AGBL1: variants seen among roughly 807,000 people sequenced by gnomAD.
The protein encoded by AGBL1 is cytosolic carboxypeptidase 4.
A neutral mutation model predicts 118.9 loss-of-function variants in AGBL1; 130 were observed. The ratio of observed to expected loss-of-function variants is 1.09; its 90% CI spans 0.95 to 1.26. The LOEUF (loss-of-function observed/expected upper bound fraction) is 1.26, where lower values mean the gene tolerates loss of function less well. Ranked by LOEUF, AGBL1 falls within the 50% of genes most tolerant of loss-of-function variation. The probability of loss-of-function intolerance (pLI) is 0.00; values close to 1 mark genes in which losing one functional copy is unlikely to be tolerated. For synonymous variants in AGBL1, 555 were observed against 478.9 expected, an observed-to-expected ratio of 1.16 and a Z score of -2.08; for missense variants, 1,584 against 1,298.1, an observed-to-expected ratio of 1.22 and a Z score of -3.38.
At chr15:86,775,689 A>G (rs2141296687) in intron 22 of AGBL1, among the ~76,000 whole-genome samples, 1 of 152,236 alleles carries the variant, frequency 6.6e-6, no homozygotes, top group East Asian at 1.9e-4. Context: ...ATGCAGTGGT[A>G]AATACTTACA....
At chr15:86,134,624 T>TC (rs2076863197) in intron 1 of AGBL1, among the ~76,000 whole-genome samples, 1 of 137,578 alleles carries the variant, frequency 7.3e-6, no homozygotes, top group African/African-American at 2.9e-5. Context: ...TTTTTTTTTT[T>TC]TTTTTTTGAG....
intron 5 of AGBL1, among the ~76,000 whole-genome samples, chr15:86,179,416 A>G (rs2141784073): frequency 6.6e-6 from 1 of 152,352 alleles, no homozygotes; most frequent in Middle Eastern, 3.4e-3. Flanking sequence ...ACGTGTAGAA[A>G]TCATTATATA....
intron 22 of AGBL1, among the ~76,000 whole-genome samples, chr15:86,761,604 A>G (rs536995433): frequency 1.3e-5 from 2 of 152,176 alleles, no homozygotes; most frequent in Admixed American, 1.3e-4. Flanking sequence ...TGATATCTCA[A>G]CTGCAATGAA....
intron 22 of AGBL1, among the ~76,000 whole-genome samples, chr15:86,904,436 C>G (rs1260257951): frequency 6.6e-6 from 1 of 150,542 alleles, no homozygotes; most frequent in Non-Finnish European, 1.5e-5. Context: ...AGTGAAAGTC[C>G]TTGAATATGT....
At chr15:86,668,614 A>T (rs115381101) in intron 21 of AGBL1, among the ~76,000 whole-genome samples, 382 of 152,262 alleles carry the variant, frequency 2.5e-3, no homozygotes, top group African/African-American at 8.7e-3. Context: ...AGGATGTTCA[A>T]TGATGCTCTG....
intron 17 of AGBL1, among the ~76,000 whole-genome samples, chr15:86,352,195 T>C (rs894563338): frequency 6.6e-6 from 1 of 152,188 alleles, no homozygotes; most frequent in Non-Finnish European, 1.5e-5. Flanking sequence ...GTTCGGATTG[T>C]GGCATCTTGA....
Position 86,266,365 on chromosome 15 carries a change from C to T in AGBL1, c.1668-9C>T. 6.4e-7 allele frequency: 1 copy of T among 1,563,038 alleles called. No individual in the cohort carries two copies. Among genetic ancestry groups the T allele is most frequent in the Non-Finnish European group, 8.7e-7 (1 of 1,151,400 alleles). On this transcript the variant is annotated splice_polypyrimidine_tract_variant and intron_variant, in intron 11 of 22. Coordinates refer to ENST00000614907, the MANE Select transcript of AGBL1 (RefSeq NM_001386094.1). ...CGACCCTTAAAATGTTTTCAATTTT[C>T]TTTTTCAGGATCAGGATATTTGAGG...
chr15:86,831,696 G>A (rs2079106244), intron 22 of AGBL1, among the ~76,000 whole-genome samples: 1 of 152,172 alleles, frequency 6.6e-6, no homozygotes, highest in Admixed American at 6.5e-5. Context: ...TCATGGACTG[G>A]CATTGAGTGA....
chr15:86,616,475 G>A (rs1400023462), intron 21 of AGBL1, among the ~76,000 whole-genome samples: 1 of 152,140 alleles, frequency 6.6e-6, no homozygotes, highest in Non-Finnish European at 1.5e-5. Flanking sequence ...GATAAAATGG[G>A]AAAGGAGAAA....
At chr15:86,377,444 C>A (rs933197090) in intron 17 of AGBL1, among the ~76,000 whole-genome samples, 1 of 152,090 alleles carries the variant, frequency 6.6e-6, no homozygotes, top group Non-Finnish European at 1.5e-5. Flanking sequence ...ACTGGCCTTG[C>A]CTACTCTAGC....
At chr15:86,783,101 G>A (rs1207601610) in intron 22 of AGBL1, among the ~76,000 whole-genome samples, 2 of 152,210 alleles carry the variant, frequency 1.3e-5, no homozygotes, top group African/African-American at 2.4e-5. Context: ...CTTCCAAGTT[G>A]CTTATGCTTT....
intron 1 of AGBL1, among the ~76,000 whole-genome samples, chr15:86,116,924 G>C (rs1897797504): frequency 6.6e-6 from 1 of 151,184 alleles, no homozygotes; most frequent in Non-Finnish European, 1.5e-5. Context: ...TCTTCATCTG[G>C]CCTCAGAAAC....
chr15:86,916,525 A>G (rs1193710258), downstream of AGBL1, among the ~76,000 whole-genome samples: 1 of 152,140 alleles, frequency 6.6e-6, no homozygotes, highest in African/African-American at 2.4e-5. Flanking sequence ...CTATTGTGTA[A>G]TTTAGGAAAT....
intron 17 of AGBL1, among the ~76,000 whole-genome samples, chr15:86,353,059 T>C (rs1308837061): frequency 1.3e-5 from 2 of 152,330 alleles, no homozygotes; most frequent in East Asian, 3.9e-4. Flanking sequence ...TCTGTTGCAG[T>C]ATATATGAAA....
intron 18 of AGBL1, among the ~76,000 whole-genome samples, chr15:86,405,849 T>G (rs2081520282): frequency 6.6e-6 from 1 of 151,534 alleles, no homozygotes; most frequent in African/African-American, 2.4e-5. Flanking sequence ...AAAAAAAGAT[T>G]AAGAACTGTA....
chr15:86,350,004 C>A (rs1267230110), intron 17 of AGBL1, among the ~76,000 whole-genome samples: 1 of 152,160 alleles, frequency 6.6e-6, no homozygotes, highest in Admixed American at 6.5e-5. Flanking sequence ...CTAAGCAAAA[C>A]TTTTAATTTT....
At chr15:86,556,204 C>A in intron 21 of AGBL1, 1 of 1,605,944 alleles carries the variant, frequency 6.2e-7, no homozygotes, top group Non-Finnish European at 8.5e-7. Flanking sequence ...CAGGCCCTCA[C>A]CAACTCTCTA....
intron 22 of AGBL1, among the ~76,000 whole-genome samples, chr15:86,735,653 GAGAT>G (rs1262691786): frequency 1.4e-5 from 2 of 143,006 alleles, no homozygotes; most frequent in African/African-American, 5.4e-5. Flanking sequence ...GCTACAAAGA[GAGAT>G]ATATATATAT....
chr15:86,710,385 C>T (rs755149302), intron 22 of AGBL1, among the ~76,000 whole-genome samples: 13 of 152,116 alleles, frequency 8.5e-5, no homozygotes, highest in Non-Finnish European at 1.5e-4. Flanking sequence ...CTGCAAATAA[C>T]ATCCCATTAT....
Sources: gnomAD v4.1 joint callset for allele counts (sites outside exome capture counted in the v4.1 genomes callset) on GRCh38, gnomAD v4.1.1 for gene constraint, MANE v1.5 for transcripts, NCBI Gene and HGNC (gene_info 2026-07-23, HGNC 2026-07-21) for gene names.